Variants in CSMD1 observed in about 807,000 individuals in gnomAD.
CSMD1 encodes the protein CUB and Sushi multiple domains 1, also known as CUB and sushi domain-containing protein 1.
Under a neutral mutation model 417.5 loss-of-function variants are expected in CSMD1, and 213 were observed. The observed-to-expected ratio is 0.51, with a 90% CI of 0.46 to 0.57. CSMD1 has a LOEUF of 0.57. CSMD1 is among the 20% of genes least tolerant of loss of function. The probability of loss-of-function intolerance (pLI) is 0.00; values close to 1 mark genes in which losing one functional copy is unlikely to be tolerated. For synonymous variants in CSMD1, 2,862 were observed against 1,736.8 expected, an observed-to-expected ratio of 1.65 and a Z score of -16.11; for missense variants, 6,923 against 4,529.7, an observed-to-expected ratio of 1.53 and a Z score of -15.17.
chr8:4,962,872 G>C (rs547241289), intron 1 of CSMD1, among the ~76,000 whole-genome samples: 1 of 152,200 alleles, frequency 6.6e-6, no homozygotes, highest in Admixed American at 6.5e-5. Context: ...CAGAGGCACT[G>C]CCACTTAATT....
intron 3 of CSMD1, among the ~76,000 whole-genome samples, chr8:4,300,249 C>A (rs1307345354): frequency 4.6e-5 from 7 of 152,192 alleles, no homozygotes; most frequent in Non-Finnish European, 1.5e-5. Flanking sequence ...TTTGTAAACA[C>A]AGAGCTTTCT....
intron 3 of CSMD1, among the ~76,000 whole-genome samples, chr8:4,401,576 C>T (rs538440188): frequency 3.4e-4 from 52 of 152,088 alleles, no homozygotes; most frequent in Non-Finnish European, 6.8e-4. Context: ...CTGTCTAGAC[C>T]AATCCATCAT....
chr8:3,025,608 C>A (rs1809812610), intron 51 of CSMD1, among the ~76,000 whole-genome samples: 1 of 152,246 alleles, frequency 6.6e-6, no homozygotes, highest in Admixed American at 6.5e-5. Context: ...AATGACTACA[C>A]TACCAACCAT....
At chr8:3,271,752 C>A (rs1286187933) in intron 26 of CSMD1, among the ~76,000 whole-genome samples, 1 of 152,098 alleles carries the variant, frequency 6.6e-6, no homozygotes, top group South Asian at 2.1e-4. Context: ...CTGTTCATGT[C>A]CTTTGCCCAC....
At chr8:3,924,129 T>A (rs1000393024) in intron 5 of CSMD1, among the ~76,000 whole-genome samples, 4 of 152,196 alleles carry the variant, frequency 2.6e-5, no homozygotes, top group Non-Finnish European at 4.4e-5. Flanking sequence ...AATCTGTATC[T>A]CTCCATTTAT....
At chr8:4,273,956 G>C (rs965172313) in intron 3 of CSMD1, among the ~76,000 whole-genome samples, 2 of 152,116 alleles carry the variant, frequency 1.3e-5, no homozygotes, top group Admixed American at 6.6e-5. Flanking sequence ...AGTGTCCTGG[G>C]AGTATTCAGA....
chr8:3,299,405 T>C (rs909268670), intron 25 of CSMD1, among the ~76,000 whole-genome samples: 4 of 152,042 alleles, frequency 2.6e-5, no homozygotes, highest in Admixed American at 6.6e-5. Flanking sequence ...TGAGCCAAGA[T>C]CACGCTATTG....
chr8:4,581,022 G>C (rs534296840), intron 2 of CSMD1, among the ~76,000 whole-genome samples: 1 of 152,122 alleles, frequency 6.6e-6, no homozygotes, highest in Non-Finnish European at 1.5e-5. Context: ...TGTGGTCATG[G>C]CTAGGTAAAT....
At chr8:3,917,256 T>C (rs777165207) in intron 5 of CSMD1, among the ~76,000 whole-genome samples, 2 of 152,150 alleles carry the variant, frequency 1.3e-5, no homozygotes, top group African/African-American at 2.4e-5. Context: ...TGAGATGCTG[T>C]TGAATGCATG....
chr8:4,353,001 A>G (rs1309533044), intron 3 of CSMD1, among the ~76,000 whole-genome samples: 1 of 152,210 alleles, frequency 6.6e-6, no homozygotes, highest in Non-Finnish European at 1.5e-5. Context: ...TAAAATGACT[A>G]ATTATTTCCT....
intron 3 of CSMD1, among the ~76,000 whole-genome samples, chr8:4,266,522 A>T (rs1458459194): frequency 9.5e-6 from 1 of 104,840 alleles, no homozygotes; most frequent in African/African-American, 2.6e-5. Context: ...AAAAAGTAGA[A>T]CAATTTCATA....
chr8:3,635,282 C>A (rs538088097), intron 7 of CSMD1, among the ~76,000 whole-genome samples: 1 of 151,854 alleles, frequency 6.6e-6, no homozygotes, highest in African/African-American at 2.4e-5. Context: ...AAGACCAGCC[C>A]GGCCAAGATG....
At chr8:3,965,219 C>G (rs1302643843) in intron 5 of CSMD1, among the ~76,000 whole-genome samples, 1 of 152,140 alleles carries the variant, frequency 6.6e-6, no homozygotes, top group Non-Finnish European at 1.5e-5. Flanking sequence ...AGGGGCTGAA[C>G]TTGAACAGAG....
At chr8:4,839,258 A>T (rs1800695243) in intron 1 of CSMD1, among the ~76,000 whole-genome samples, 1 of 152,196 alleles carries the variant, frequency 6.6e-6, no homozygotes, top group South Asian at 2.1e-4. Context: ...TCAGTCTCCC[A>T]ATTATCTAGT....
At chr8:4,840,002 C>G (rs991345031) in intron 1 of CSMD1, among the ~76,000 whole-genome samples, 1 of 152,148 alleles carries the variant, frequency 6.6e-6, no homozygotes, top group South Asian at 2.1e-4. Flanking sequence ...CTTACAGGTG[C>G]TTTTTGTCCT....
At chr8:3,663,506 C>T (rs1332062801) in intron 7 of CSMD1, among the ~76,000 whole-genome samples, 1 of 152,152 alleles carries the variant, frequency 6.6e-6, no homozygotes, top group Non-Finnish European at 1.5e-5. Flanking sequence ...GCCCCAAAAT[C>T]ACTGAGCTAC....
intron 1 of CSMD1, among the ~76,000 whole-genome samples, chr8:4,715,310 G>A (rs761416648): frequency 1.3e-5 from 2 of 152,108 alleles, no homozygotes; most frequent in Non-Finnish European, 2.9e-5. Context: ...CATGATTTCT[G>A]TTTGGTTTAC....
chr8:4,569,588 G>A (rs1007638139), intron 2 of CSMD1, among the ~76,000 whole-genome samples: 3 of 152,136 alleles, frequency 2.0e-5, no homozygotes, highest in Non-Finnish European at 4.4e-5. Flanking sequence ...GACGCCTCCA[G>A]CTTTGTTCTT....
chr8:2,936,630 G>T lies in CSMD1; in HGVS notation c.*1955C>A, dbSNP rs1489083081. On this transcript the variant is annotated 3_prime_UTR_variant, in exon 70 of 70. Coordinates refer to ENST00000635120, the MANE Select transcript of CSMD1 (RefSeq NM_033225.6). ...GCAGAGAATTCAGCATAATGATACA[G>T]AATCCAACAGCGTGGGGTTCACAAG... is the stretch of plus-strand genomic sequence containing the variant. 6.6e-6 allele frequency: 1 copy of T among 152,184 alleles called. No individual in the cohort carries two copies. The highest frequency in any genetic ancestry group is 6.5e-5 in the Admixed American group (1 of 15,274). 9.4% of individuals were successfully genotyped at this position (152,184 alleles called of 1,614,324 possible).
Sources: gnomAD v4.1 joint callset for allele counts (sites outside exome capture counted in the v4.1 genomes callset) on GRCh38, gnomAD v4.1.1 for gene constraint, MANE v1.5 for transcripts, NCBI Gene and HGNC (gene_info 2026-07-23, HGNC 2026-07-21) for gene names.